Variants in DENND5A observed in about 807,000 individuals in gnomAD.
The protein encoded by DENND5A is DENN domain containing 5A, also known as DENN domain-containing protein 5A.
In DENND5A, 64 loss-of-function variants were observed where a neutral mutation model predicts 140.3. That is an observed-to-expected ratio of 0.46 (90% CI 0.37 to 0.56). The LOEUF is 0.56. Ranked by LOEUF, DENND5A falls within the 20% of genes least tolerant of loss-of-function variation. The pLI is 0.00. For synonymous variants in DENND5A, 605 were observed against 607.7 expected (o/e 1.00, Z 0.07); for missense variants, 1,292 against 1,593.8 (o/e 0.81, Z 3.22).
intron 1 of DENND5A, among the ~76,000 whole-genome samples, chr11:9,249,109 T>A (rs932172151): frequency 1.3e-5 from 2 of 151,646 alleles, no homozygotes; most frequent in Non-Finnish European, 2.9e-5. Flanking sequence ...GCGCCTGTAG[T>A]CCCAGTTACT....
intron 12 of DENND5A, among the ~76,000 whole-genome samples, chr11:9,156,626 CAAA>C (rs763078353): frequency 7.8e-5 from 7 of 89,800 alleles, no homozygotes; most frequent in Admixed American, 1.2e-4. Flanking sequence ...GACTCCGTCT[CAAA>C]AAAAAAAAAA....
chr11:9,247,493 GA>G (rs1354712640), intron 1 of DENND5A, among the ~76,000 whole-genome samples: 3 of 141,232 alleles, frequency 2.1e-5, no homozygotes, highest in African/African-American at 7.9e-5. Context: ...TTAAAATCAA[GA>G]AAAAAATAAA....
In DENND5A at chr11:9,239,063, C is replaced by G. The variant is rs780620057; in HGVS notation, c.109+25898G>C. Among the ~76,000 whole-genome samples the G allele has an allele frequency of 4.0e-5, 6 of 151,068 alleles. No homozygotes were observed. The South Asian group carries it at 1.3e-3, about 32-fold the overall frequency. ...GCCAGGCTGGTCTTGCACTCCTGAC[C>G]TCAGGTGATCTGCCCACCTCAGCCT... On this transcript the variant is annotated intron_variant, in intron 1 of 22. Coordinates refer to ENST00000328194, the MANE Select transcript of DENND5A (RefSeq NM_015213.4).
intron 11 of DENND5A, among the ~76,000 whole-genome samples, chr11:9,163,131 T>C (rs139393363): frequency 3.2e-4 from 48 of 152,342 alleles, no homozygotes; most frequent in Non-Finnish European, 6.0e-4. Context: ...TTATTAATTC[T>C]CTTACTGATT....
rs778488989 is a variant in DENND5A at position 9,143,457 on chromosome 11, G to C, written c.3333C>G (p.Ser1111=). Residue 1111 remains serine (S), a synonymous_variant, in exon 20 of 23, where the codon TCC becomes TCG. Coordinates refer to ENST00000328194, the MANE Select transcript of DENND5A (RefSeq NM_015213.4). ...CAATGCCATTGACTGCCTCCCCGAT[G>C]GACTCCTGGATCTGCCCAGTGTTCA... ...PKLNTGQIQE[S]IGEAVNGIVK... is the part of the protein sequence containing the mutation. The C allele has an allele frequency of 6.2e-7, 1 of 1,614,174 alleles. No individual in the cohort carries two copies. The highest frequency in any genetic ancestry group is 8.5e-7 in the Non-Finnish European group (1 of 1,179,996).
chr11:9,257,139 A>G (rs1156899437), intron 1 of DENND5A, among the ~76,000 whole-genome samples: 1 of 151,782 alleles, frequency 6.6e-6, no homozygotes, highest in Non-Finnish European at 1.5e-5. Context: ...CCTCCTGAGT[A>G]GCTGGGATTA....
At chr11:9,256,681 A>C (rs1385435752) in intron 1 of DENND5A, among the ~76,000 whole-genome samples, 1 of 152,184 alleles carries the variant, frequency 6.6e-6, no homozygotes, top group Non-Finnish European at 1.5e-5. Flanking sequence ...TGTCAAAAAC[A>C]GGCAAATCTA....
intron 1 of DENND5A, among the ~76,000 whole-genome samples, chr11:9,260,859 G>C (rs1324787809): frequency 6.6e-6 from 1 of 152,026 alleles, no homozygotes. Flanking sequence ...AGTTGTATTT[G>C]TTTATTTGAG....
rs139062341 is a variant in DENND5A, at chr11:9,203,945, C to T, written c.664G>A (p.Val222Met). ...ACTGCCTGGTGGAGTTGCTCCAGCACGCTCCGACATGCCTTCATGAAAGAC... is the reference window on the plus strand; with the variant it reads ...ACTGCCTGGTGGAGTTGCTCCAGCATGCTCCGACATGCCTTCATGAAAGAC... ...PMSFMKACRSVLEQLHQAVTS... is the reference protein window; with the variant it reads ...PMSFMKACRSMLEQLHQAVTS... Residue 222 changes from valine to methionine, a missense_variant, in exon 4 of 23, where the codon GTG becomes ATG. Around this residue, in one of 4 missense-constraint regions of DENND5A, gnomAD observed 566 missense variants for 650.4 expected, o/e 0.87. Transcript: ENST00000328194. The T allele has an allele frequency of 3.2e-5, 52 of 1,614,004 alleles. No homozygotes were observed. Among genetic ancestry groups the T allele is most frequent in the African/African-American group, 3.2e-4 (24 of 74,978 alleles).
chr11:9,167,475 T>TAAAAAAA (rs547949319), intron 10 of DENND5A, among the ~76,000 whole-genome samples: 6 of 119,444 alleles, frequency 5.0e-5, no homozygotes, highest in Admixed American at 8.8e-5. Context: ...GATGAAAGAT[T>TAAAAAAA]AAAAAAAAAA....
intron 15 of DENND5A, among the ~76,000 whole-genome samples, chr11:9,148,396 G>T (rs1847501564): frequency 6.6e-6 from 1 of 151,962 alleles, no homozygotes; most frequent in Non-Finnish European, 1.5e-5. Flanking sequence ...TTAAACTAAG[G>T]AGTTTGCAAT....
rs548226696 is a variant in DENND5A at position 9,202,310 on chromosome 11, T to C, written c.949+1350A>G. On this transcript the variant is annotated intron_variant, in intron 4 of 22. Transcript: ENST00000328194. ...ATCGGGTACCAGAGAAACTTTAATA[T>C]AGTATTGTCTCAATGTTAGGTTTTC... Among the ~76,000 whole-genome samples the C allele has an allele frequency of 2.0e-5, 3 of 152,286 alleles. No homozygotes were observed. The Middle Eastern group carries it at 0.01, about 518-fold the overall frequency.
intron 1 of DENND5A, among the ~76,000 whole-genome samples, chr11:9,229,185 G>A (rs1564927969): frequency 2.6e-5 from 4 of 152,148 alleles, no homozygotes; most frequent in African/African-American, 7.2e-5. Flanking sequence ...CACCCAGCTG[G>A]TAACCAGAGA....
chr11:9,185,768 G>A (rs535232039), intron 5 of DENND5A, among the ~76,000 whole-genome samples: 4 of 152,168 alleles, frequency 2.6e-5, no homozygotes, highest in South Asian at 2.1e-4. Context: ...TGTGGTCTGC[G>A]TCTGTGTGTG....
intron 12 of DENND5A, 48 bp downstream of exon 12, chr11:9,160,665 A>C (rs573127181): frequency 7.7e-6 from 12 of 1,559,702 alleles, no homozygotes; most frequent in Middle Eastern, 1.7e-4. Context: ...TAGTAACTGA[A>C]AACAGGAAGA....
intron 1 of DENND5A, among the ~76,000 whole-genome samples, chr11:9,261,560 T>C (rs755145772): frequency 7.2e-5 from 11 of 152,010 alleles, no homozygotes; most frequent in Non-Finnish European, 1.5e-4. Context: ...GGCAGATCAC[T>C]TGAGGTCAAG....
At chr11:9,216,997 C>G (rs974998219) in intron 1 of DENND5A, among the ~76,000 whole-genome samples, 1 of 152,112 alleles carries the variant, frequency 6.6e-6, no homozygotes, top group Non-Finnish European at 1.5e-5. Context: ...GATCACACTA[C>G]TGCACTATAG....
At chr11:9,260,201 A>C (rs1468377639) in intron 1 of DENND5A, among the ~76,000 whole-genome samples, 1 of 152,092 alleles carries the variant, frequency 6.6e-6, no homozygotes, top group Admixed American at 6.6e-5. Flanking sequence ...GTACAAGATG[A>C]AAGAACCTAG....
rs750199281 is a variant in DENND5A, at chr11:9,204,296, C to T, written c.313G>A (p.Ala105Thr). The change falls in exon 4 of 23, where the codon GCA becomes ACA. Residue 105 changes from alanine (A) to threonine (T), a missense_variant. Physicochemically the swap from Ala to Thr is moderately conservative, Grantham distance 58. This residue lies in a region of DENND5A where 566 missense variants were observed against 650.4 expected (regional missense o/e 0.87). Transcript: ENST00000328194. ...VGMLCMPKGL[A>T]FKTQADPREP... ...CTGGGATCAGCCTGGGTCTTGAATG[C>T]CAGCCCTTTCGGCATACATAGCTGC... The T allele has an allele frequency of 1.2e-6, 2 of 1,611,592 alleles. No individual in the cohort carries two copies. Among genetic ancestry groups the T allele is most frequent in the East Asian group, 2.2e-5 (1 of 44,864 alleles).
Sources: gnomAD v4.1 joint callset for allele counts (sites outside exome capture counted in the v4.1 genomes callset) on GRCh38, gnomAD v4.1.1 for gene constraint, gnomAD v4.1.1 regional missense constraint, MANE v1.5 for transcripts, NCBI Gene and HGNC (gene_info 2026-07-23, HGNC 2026-07-21) for gene names.